FGF14: variants seen among roughly 807,000 people sequenced by gnomAD.
The protein encoded by FGF14 is fibroblast growth factor 14, also known as fibroblast growth factor homologous factor 4.
FGF14 carries 5 observed loss-of-function variants against 25.5 expected under a neutral mutation model. The observed-to-expected ratio is 0.20, with a 90% CI of 0.10 to 0.41. The LOEUF is 0.41. Ranked by LOEUF, FGF14 falls within the 10% of genes least tolerant of loss-of-function variation. The pLI is 1.00. For synonymous variants in FGF14, 138 were observed against 118.3 expected (o/e 1.17, Z -1.08); for missense variants, 222 against 320.1 (o/e 0.69, Z 2.34).
intron 1 of FGF14, among the ~76,000 whole-genome samples, chr13:102,310,350 C>T (rs1314815686): frequency 6.6e-6 from 1 of 152,018 alleles, no homozygotes; most frequent in African/African-American, 2.4e-5. Flanking sequence ...GTTTGGATCA[C>T]CAACTATTTA....
intron 3 of FGF14, among the ~76,000 whole-genome samples, chr13:101,747,253 T>C (rs1317254088): frequency 6.6e-6 from 1 of 151,964 alleles, no homozygotes. Flanking sequence ...ATGTCTTTCA[T>C]CAAGACTGTG....
At chr13:102,157,391 A>G (rs2047395523) in intron 1 of FGF14, among the ~76,000 whole-genome samples, 1 of 152,226 alleles carries the variant, frequency 6.6e-6, no homozygotes, top group Non-Finnish European at 1.5e-5. Flanking sequence ...AAACCTGACA[A>G]AAACAAGAAA....
In FGF14 at chr13:102,292,031, C is replaced by T. The variant is rs566536601; in HGVS notation, c.208+109440G>A. Among the ~76,000 whole-genome samples, 12 of 152,206 alleles carry T rather than the reference C, an allele frequency of 7.9e-5. No homozygotes were observed. In the South Asian group the frequency reaches 2.5e-3, roughly 32 times the overall value. ...CCACAGTTATCTGGATTAGAGCCGG[C>T]CTTGTCTGTGACCTGGACTCTCACT... is the stretch of plus-strand genomic sequence containing the variant. On this transcript the variant is annotated intron_variant, in intron 1 of 4. Transcript: ENST00000376131.
chr13:102,166,705 T>C (rs1438774893), intron 1 of FGF14, among the ~76,000 whole-genome samples: 1 of 152,152 alleles, frequency 6.6e-6, no homozygotes, highest in East Asian at 1.9e-4. Flanking sequence ...TGAGTTACAA[T>C]GTCGCTGGTC....
Position 102,284,519 on chromosome 13 carries a change from AT to A in FGF14, c.208+116951del, listed in dbSNP as rs138983305. On this transcript the variant is annotated intron_variant, in intron 1 of 4. Transcript: ENST00000376131. The stretch of plus-strand genomic sequence containing the variant: ...CCTCTCACATTAAAAAATGAAAAAA[AT>A]ATTATTTAAAAATAATGAAATTGGT... 8.6e-3 allele frequency among the ~76,000 whole-genome samples: 1,309 copies of A among 152,292 alleles called. 10 individuals are homozygous for A. Among genetic ancestry groups the A allele is most frequent in the African/African-American group, 0.03 (1,240 of 41,574 alleles).
At chr13:102,066,392 T>C (rs1226892373) in intron 1 of FGF14, among the ~76,000 whole-genome samples, 1 of 152,164 alleles carries the variant, frequency 6.6e-6, no homozygotes, top group African/African-American at 2.4e-5. Context: ...TTCAACTGGA[T>C]ACAAATTAGG....
At chr13:101,903,112 C>A (rs1040704579) in intron 1 of FGF14, among the ~76,000 whole-genome samples, 1 of 152,066 alleles carries the variant, frequency 6.6e-6, no homozygotes, top group Non-Finnish European at 1.5e-5. Flanking sequence ...TAGAAGCATG[C>A]ATGCTGTTGC....
At chr13:102,078,389 A>C in intron 1 of FGF14, among the ~76,000 whole-genome samples, 1 of 152,212 alleles carries the variant, frequency 6.6e-6, no homozygotes, top group Admixed American at 6.5e-5. Flanking sequence ...TACACTATAA[A>C]AATATACAGT....
chr13:102,276,328 C>T (rs540279259), intron 1 of FGF14, among the ~76,000 whole-genome samples: 14 of 79,618 alleles, frequency 1.8e-4, no homozygotes, highest in Admixed American at 1.2e-3. Flanking sequence ...CACACACACA[C>T]GTACGTGTGT....
intron 1 of FGF14, among the ~76,000 whole-genome samples, chr13:102,067,188 C>A (rs1240046842): frequency 6.6e-6 from 1 of 152,154 alleles, no homozygotes; most frequent in African/African-American, 2.4e-5. Context: ...ATAGGATCAT[C>A]AAAAGGCCAT....
At chr13:101,785,903 G>A (rs574579148) in intron 3 of FGF14, among the ~76,000 whole-genome samples, 14 of 152,300 alleles carry the variant, frequency 9.2e-5, no homozygotes, top group African/African-American at 3.1e-4. Flanking sequence ...GACATAGAGT[G>A]ATCACTGCAT....
Position 102,063,735 on chromosome 13 carries a change from C to T in FGF14, c.209-188439G>A, listed in dbSNP as rs972777306. Among the ~76,000 whole-genome samples the T allele has an allele frequency of 3.9e-4, 60 of 151,910 alleles. 3 individuals are homozygous for T. ...TCTGAAGATACAGGTAATGCAATAA[C>T]ATATAAAACATGAATAAGATTTTCA... is the stretch of plus-strand genomic sequence containing the variant. On this transcript the variant is annotated intron_variant, in intron 1 of 4. Transcript: ENST00000376131.
Position 102,255,934 on chromosome 13 carries a change from T to C in FGF14, c.208+145537A>G, listed in dbSNP as rs967612814. 3.0e-4 allele frequency among the ~76,000 whole-genome samples: 46 copies of C among 152,186 alleles called. 2 individuals carry two copies. The highest frequency in any genetic ancestry group is 2.7e-3 in the Admixed American group (41 of 15,276). On this transcript the variant is annotated intron_variant, in intron 1 of 4. Transcript: ENST00000376131. ...AATGTCAGGAAACCTTTACAAGGCATGCTTGATGGTGGGACTGGTTCTGGT... is the reference window on the plus strand; with the variant it reads ...AATGTCAGGAAACCTTTACAAGGCACGCTTGATGGTGGGACTGGTTCTGGT...
chr13:101,726,745 T>C lies in FGF14; in HGVS notation c.474A>G (p.Ser158=). The change falls in exon 4 of 5, where the codon TCA becomes TCG. Residue 158 remains serine, a synonymous_variant. Coordinates refer to ENST00000376143, the MANE Select transcript of FGF14 (RefSeq NM_004115.4). ...SVFENYYVIY[S]SMLYRQQESG... ...ATTCCTGTTGTCTGTACAACATGGATGAGTAGATTACATAATAATTTTCAA... is the reference window on the plus strand; with the variant it reads ...ATTCCTGTTGTCTGTACAACATGGACGAGTAGATTACATAATAATTTTCAA... The C allele has an allele frequency of 6.2e-7, 1 of 1,613,022 alleles. No homozygotes were observed. The highest frequency in any genetic ancestry group is 8.5e-7 in the Non-Finnish European group (1 of 1,179,348).
chr13:102,008,925 T>C (rs1320043741), intron 1 of FGF14, among the ~76,000 whole-genome samples: 5 of 152,158 alleles, frequency 3.3e-5, no homozygotes, highest in African/African-American at 1.2e-4. Flanking sequence ...AAATCTGTAT[T>C]ATATCCTTAA....
intron 1 of FGF14, among the ~76,000 whole-genome samples, chr13:102,257,513 A>T (rs1311901622): frequency 2.0e-5 from 3 of 151,642 alleles, no homozygotes; most frequent in African/African-American, 7.3e-5. Flanking sequence ...CACAACGCCC[A>T]GCTAATTTTT....
rs532332911 is a variant in FGF14 at position 102,118,926 on chromosome 13, C to T, written c.209-243630G>A. Among the ~76,000 whole-genome samples the T allele has an allele frequency of 1.6e-4, 25 of 152,166 alleles. No individual in the cohort carries two copies. In the South Asian group the frequency reaches 1.9e-3, roughly 11 times the overall value. ...GACAATGATTATGCCTTTACCTTTA[C>T]GTTGCTGGAGTAAGAGTAGTTCATT... On this transcript the variant is annotated intron_variant, in intron 1 of 4. Coordinates refer to the FGF14 transcript ENST00000376131.
intron 1 of FGF14, among the ~76,000 whole-genome samples, chr13:102,266,080 A>T (rs1005939456): frequency 6.6e-6 from 1 of 152,170 alleles, no homozygotes; most frequent in East Asian, 1.9e-4. Flanking sequence ...AATAAGGGAC[A>T]ACTCATCTCT....
intron 1 of FGF14, among the ~76,000 whole-genome samples, chr13:102,198,096 C>G (rs1023220081): frequency 3.3e-5 from 5 of 152,220 alleles, no homozygotes; most frequent in African/African-American, 7.2e-5. Context: ...GCAGAGTTGT[C>G]ATCTTATGAC....
Sources: gnomAD v4.1 joint callset for allele counts (sites outside exome capture counted in the v4.1 genomes callset) on GRCh38, gnomAD v4.1.1 for gene constraint, MANE v1.5 for transcripts, NCBI Gene and HGNC (gene_info 2026-07-23, HGNC 2026-07-21) for gene names.